The following RIC8B variants were observed in gnomAD, a reference collection of about 807,000 sequenced individuals.
RIC8B encodes the protein RIC8 guanine nucleotide exchange factor B.
RIC8B carries 16 observed loss-of-function variants against 57.5 expected under a neutral mutation model. The ratio of observed to expected loss-of-function variants is 0.28; its 90% CI spans 0.19 to 0.42. The LOEUF (loss-of-function observed/expected upper bound fraction) is 0.42, where lower values mean the gene tolerates loss of function less well. Ranked by LOEUF, RIC8B falls within the 10% of genes least tolerant of loss-of-function variation. The pLI, the probability that RIC8B is intolerant of heterozygous loss-of-function variation, is 1.00. For missense variants in RIC8B, 481 were observed against 677.0 expected, an observed-to-expected ratio of 0.71 and a Z score of 3.21; for synonymous variants, 216 against 250.8, an observed-to-expected ratio of 0.86 and a Z score of 1.31.
intron 9 of RIC8B, among the ~76,000 whole-genome samples, chr12:106,877,235 G>A (rs897805871): frequency 2.6e-5 from 4 of 152,158 alleles, no homozygotes; most frequent in Admixed American, 6.5e-5. Context: ...ATTAAATAGC[G>A]TCAGGTATTT....
At chr12:106,844,802 A>G (rs1949113030) in intron 6 of RIC8B, among the ~76,000 whole-genome samples, 1 of 152,240 alleles carries the variant, frequency 6.6e-6, no homozygotes, top group African/African-American at 2.4e-5. Context: ...AAAGTAGCTC[A>G]CAGAACTTGC....
chr12:106,874,377 G>A (rs2136624688), intron 9 of RIC8B: 3 of 866,934 alleles, frequency 3.5e-6, no homozygotes, highest in Middle Eastern at 2.2e-4. Flanking sequence ...AAATGAAATG[G>A]TTTTCTCCTG....
intron 4 of RIC8B, among the ~76,000 whole-genome samples, chr12:106,835,630 T>G (rs956914719): frequency 6.6e-6 from 1 of 152,218 alleles, no homozygotes; most frequent in African/African-American, 2.4e-5. Context: ...TTATGCTGCC[T>G]TCCCTTACGA....
rs569874583 is a variant in RIC8B at position 106,824,769 on chromosome 12, T to C, written c.742-957T>C. 2.0e-4 allele frequency among the ~76,000 whole-genome samples: 31 copies of C among 151,778 alleles called. 2 individuals are homozygous for C. The South Asian group carries it at 6.3e-3, about 31-fold the overall frequency. ...AAAGAAAAAAAAAATTAGCTGGGTGTGGTGGCGGGCACCTGTAATCCCATC... is the reference window on the plus strand; with the variant it reads ...AAAGAAAAAAAAAATTAGCTGGGTGCGGTGGCGGGCACCTGTAATCCCATC... On this transcript the variant is annotated intron_variant, in intron 3 of 9. Transcript: ENST00000392837.
chr12:106,880,661 T>C (rs887044563), intron 9 of RIC8B, among the ~76,000 whole-genome samples: 1 of 152,156 alleles, frequency 6.6e-6, no homozygotes, highest in Non-Finnish European at 1.5e-5. Context: ...ATGATATTAA[T>C]TCATCAGGAA....
At chr12:106,818,736 A>G (rs2045702613) in intron 3 of RIC8B, among the ~76,000 whole-genome samples, 1 of 152,166 alleles carries the variant, frequency 6.6e-6, no homozygotes, top group Non-Finnish European at 1.5e-5. Flanking sequence ...GATGTAAGCT[A>G]CTACACCAAG....
At chr12:106,811,802 A>G (rs1037442296) in intron 2 of RIC8B, among the ~76,000 whole-genome samples, 21 of 151,476 alleles carry the variant, frequency 1.4e-4, no homozygotes, top group African/African-American at 4.9e-4. Flanking sequence ...AGAGCAGAGC[A>G]TGTTTTAGGA....
chr12:106,851,715 T>A, intron 7 of RIC8B, 121 bp downstream of exon 7: 1 of 832,528 alleles, frequency 1.2e-6, no homozygotes, highest in Non-Finnish European at 1.8e-6. Context: ...GTCTGTTCTA[T>A]TAGAGAGGCT....
intron 9 of RIC8B, chr12:106,874,480 G>A: frequency 1.3e-6 from 2 of 1,550,900 alleles, no homozygotes; most frequent in Non-Finnish European, 1.7e-6. Flanking sequence ...TCCATCCATA[G>A]GAGAGCAGAT....
At chr12:106,814,391 ACT>A (rs1342634491) in intron 2 of RIC8B, among the ~76,000 whole-genome samples, 1 of 152,096 alleles carries the variant, frequency 6.6e-6, no homozygotes, top group Non-Finnish European at 1.5e-5. Context: ...CATGACTAAA[ACT>A]CAGCAGAAAT....
chr12:106,793,562 C>G (rs1330017718), intron 2 of RIC8B, among the ~76,000 whole-genome samples: 1 of 152,126 alleles, frequency 6.6e-6, no homozygotes, highest in Non-Finnish European at 1.5e-5. Context: ...AGGAACTATC[C>G]CTTCAAAAGA....
intron 3 of RIC8B, among the ~76,000 whole-genome samples, chr12:106,821,994 C>T (rs1375814704): frequency 2.2e-5 from 3 of 136,002 alleles, no homozygotes; most frequent in East Asian, 4.7e-4. Context: ...AGGACAATGG[C>T]GTGAATCCGG....
At chr12:106,779,289 T>G (rs1172737048) in intron 1 of RIC8B, among the ~76,000 whole-genome samples, 1 of 151,630 alleles carries the variant, frequency 6.6e-6, no homozygotes, top group Non-Finnish European at 1.5e-5. Flanking sequence ...TGGAGTGCAG[T>G]GGCTTGATGT....
intron 3 of RIC8B, among the ~76,000 whole-genome samples, chr12:106,819,743 A>G (rs2045755315): frequency 6.7e-6 from 1 of 149,212 alleles, no homozygotes; most frequent in Non-Finnish European, 1.5e-5. Context: ...CAGGAAAAAA[A>G]AAAAAAAAAA....
intron 2 of RIC8B, among the ~76,000 whole-genome samples, chr12:106,795,044 C>G (rs1415986750): frequency 6.6e-6 from 1 of 152,104 alleles, no homozygotes; most frequent in Non-Finnish European, 1.5e-5. Context: ...ACTAAGGAAG[C>G]AAATCCAGAT....
rs754983382 is a variant in RIC8B at position 106,886,223 on chromosome 12, G to A, written c.*208G>A. ...TCATACAGAGCTGCAGTTAGACGGG[G>A]TTACGGGGGCTAAAAGCAGAAAAAA... On this transcript the variant is annotated 3_prime_UTR_variant, in exon 10 of 10. Transcript: ENST00000392837. The A allele has an allele frequency of 8.5e-6, 4 of 468,824 alleles. No homozygotes were observed. The highest frequency in any genetic ancestry group is 1.5e-5 in the Non-Finnish European group (4 of 266,314). 29.0% of individuals were successfully genotyped at this position (468,824 alleles called of 1,614,324 possible).
At chr12:106,860,486 T>A (rs1949884473) in intron 8 of RIC8B, 74 bp downstream of exon 8, 3 of 1,148,058 alleles carry the variant, frequency 2.6e-6, no homozygotes, top group Non-Finnish European at 3.5e-6. Context: ...TCTTTCATTT[T>A]CCAAGTGTTT....
intron 4 of RIC8B, among the ~76,000 whole-genome samples, chr12:106,828,083 A>G (rs2046192110): frequency 6.6e-6 from 1 of 152,246 alleles, no homozygotes; most frequent in Non-Finnish European, 1.5e-5. Context: ...TAGTGATGCT[A>G]GCTTTTTTCC....
intron 2 of RIC8B, among the ~76,000 whole-genome samples, chr12:106,792,573 C>A (rs1392924913): frequency 6.6e-6 from 1 of 152,132 alleles, no homozygotes; most frequent in African/African-American, 2.4e-5. Context: ...TAAGAACAAC[C>A]ATTTAAAGTC....
Sources: gnomAD v4.1 joint callset for allele counts (sites outside exome capture counted in the v4.1 genomes callset) on GRCh38, gnomAD v4.1.1 for gene constraint, MANE v1.5 for transcripts, NCBI Gene and HGNC (gene_info 2026-07-23, HGNC 2026-07-21) for gene names.